Variants in ADCY1 observed in about 807,000 individuals in gnomAD.
ADCY1 encodes adenylate cyclase 1, also known as adenylate cyclase type 1.
A neutral mutation model predicts 105.4 loss-of-function variants in ADCY1; 28 were observed. That is an observed-to-expected ratio of 0.27 (90% CI 0.20 to 0.36). ADCY1 has a LOEUF of 0.36. Among genes scored for constraint, ADCY1 ranks in the 10% least tolerant of loss-of-function variants. The pLI, the probability that ADCY1 is intolerant of heterozygous loss-of-function variation, is 1.00. For synonymous variants in ADCY1, 655 were observed against 623.8 expected, an observed-to-expected ratio of 1.05 and a Z score of -0.75; for missense variants, 977 against 1,434.2, an observed-to-expected ratio of 0.68 and a Z score of 5.15.
rs572435037 is a variant in ADCY1 at position 45,682,530 on chromosome 7, A to G, written c.1984-2449A>G. Reference sequence around the variant, plus strand: ...GGCACATTCAGAGGCCCTTGGCTGGACCCTGGGGATGTGGGCACAATGTGG... The same window carrying G: ...GGCACATTCAGAGGCCCTTGGCTGGGCCCTGGGGATGTGGGCACAATGTGG... On this transcript the variant is annotated intron_variant, in intron 11 of 19. Coordinates refer to ENST00000297323, the MANE Select transcript of ADCY1 (RefSeq NM_021116.4). Among the ~76,000 whole-genome samples the G allele has an allele frequency of 2.0e-5, 3 of 152,064 alleles. No individual in the cohort carries two copies. The South Asian group carries it at 6.2e-4, about 32-fold the overall frequency.
rs748865724 is a variant in ADCY1 at position 45,717,866 on chromosome 7, T to A, written c.*3871T>A. The stretch of plus-strand genomic sequence containing the variant: ...GCCACCAGGGCTTCTGGAACACCTG[T>A]CATAGAAGCAATAACTCTAACTCTA... On this transcript the variant is annotated 3_prime_UTR_variant, in exon 20 of 20. Transcript: ENST00000297323. 6.6e-6 allele frequency: 1 copy of A among 152,620 alleles called. No homozygotes were observed. The highest frequency in any genetic ancestry group is 1.5e-5 in the Non-Finnish European group (1 of 68,054). 9.5% of individuals were successfully genotyped at this position (152,620 alleles called of 1,614,324 possible).
At chr7:45,615,350 CACTT>C (rs755812833) in intron 3 of ADCY1, among the ~76,000 whole-genome samples, 1 of 152,156 alleles carries the variant, frequency 6.6e-6, no homozygotes, top group Non-Finnish European at 1.5e-5. Context: ...GTAAGCCCAG[CACTT>C]TGGGAGGCCG....
Position 45,686,725 on chromosome 7 carries a change from A to G in ADCY1, c.2454+52A>G. 1 of 1,559,038 alleles carries G rather than the reference A, an allele frequency of 6.4e-7. No individual in the cohort carries two copies. Among genetic ancestry groups the G allele is most frequent in the Non-Finnish European group, 8.7e-7 (1 of 1,149,466 alleles). ...GGGGTGGGGGATTTAGAGGAGGAAG[A>G]AGTCTTCAGCAAGCATCTGACGGGG... On this transcript the variant is annotated intron_variant, in intron 14 of 19. Coordinates refer to ENST00000297323, the MANE Select transcript of ADCY1 (RefSeq NM_021116.4). The surrounding 1 kb of genome is among the most constrained non-coding windows in gnomAD (Gnocchi z 4.3).
intron 4 of ADCY1, among the ~76,000 whole-genome samples, chr7:45,630,994 T>C (rs1463885457): frequency 6.6e-6 from 1 of 152,182 alleles, no homozygotes; most frequent in Non-Finnish European, 1.5e-5. Context: ...AGACTAAATA[T>C]GACTATTTTG....
chr7:45,646,168 G>A (rs1794659510), intron 4 of ADCY1, among the ~76,000 whole-genome samples: 1 of 152,154 alleles, frequency 6.6e-6, no homozygotes, highest in South Asian at 2.1e-4. Flanking sequence ...ATGGGGACAG[G>A]GTAGTGTCCC....
intron 1 of ADCY1, among the ~76,000 whole-genome samples, chr7:45,585,098 T>C (rs2115737123): frequency 6.6e-6 from 1 of 152,378 alleles, no homozygotes; most frequent in East Asian, 1.9e-4. Flanking sequence ...TGAGTGCCTT[T>C]GCCTTCATTC....
At chr7:45,590,045 C>T (rs1792862389) in intron 1 of ADCY1, among the ~76,000 whole-genome samples, 1 of 152,108 alleles carries the variant, frequency 6.6e-6, no homozygotes. Flanking sequence ...AGAAAGGGTT[C>T]CTTGGGCCCT....
At chr7:45,627,739 A>T (rs1416858169) in intron 4 of ADCY1, among the ~76,000 whole-genome samples, 1 of 152,196 alleles carries the variant, frequency 6.6e-6, no homozygotes, top group Non-Finnish European at 1.5e-5. Context: ...TACCTGGGAC[A>T]GCTGGCTTTG....
intron 4 of ADCY1, among the ~76,000 whole-genome samples, chr7:45,631,693 G>T (rs748773039): frequency 1.3e-5 from 2 of 152,160 alleles, no homozygotes; most frequent in East Asian, 3.8e-4. Context: ...ATTTTTGTGC[G>T]CATGTGAATT....
chr7:45,721,637 T>C lies in ADCY1; in HGVS notation c.*7642T>C. The C allele has an allele frequency of 5.0e-6, 2 of 398,620 alleles. No individual in the cohort carries two copies. The highest frequency in any genetic ancestry group is 8.8e-6 in the Non-Finnish European group (2 of 226,058). The allele number at this position is 398,620 out of a possible 1,614,324, so 24.7% of individuals were successfully genotyped here. A position where few individuals can be genotyped will look rare whatever the true frequency, so the allele number is the denominator to read the frequency against. On this transcript the variant is annotated 3_prime_UTR_variant, in exon 20 of 20. Coordinates refer to ENST00000297323, the MANE Select transcript of ADCY1 (RefSeq NM_021116.4). ...TTCATCTTCCTCTGCTGTAGAGCCATTTAATGTTATTGTCATATGCTGCTG... is the reference window on the plus strand; with the variant it reads ...TTCATCTTCCTCTGCTGTAGAGCCACTTAATGTTATTGTCATATGCTGCTG...
At chr7:45,669,134 T>C (rs1487588980) in intron 8 of ADCY1, among the ~76,000 whole-genome samples, 1 of 152,230 alleles carries the variant, frequency 6.6e-6, no homozygotes, top group Non-Finnish European at 1.5e-5. Flanking sequence ...TCTCTTTCAG[T>C]TCTGCTCTGA....
At chr7:45,704,131 C>A (rs1785058647) in intron 16 of ADCY1, among the ~76,000 whole-genome samples, 2 of 152,150 alleles carry the variant, frequency 1.3e-5, no homozygotes, top group African/African-American at 2.4e-5. Flanking sequence ...GATGGGCAGG[C>A]AGGTGGGCAC....
intron 3 of ADCY1, among the ~76,000 whole-genome samples, chr7:45,622,066 G>A (rs897239193): frequency 6.6e-6 from 1 of 152,164 alleles, no homozygotes; most frequent in Non-Finnish European, 1.5e-5. Flanking sequence ...GTACGTAGAG[G>A]CTTTGATGCA....
chr7:45,598,829 C>T (rs554169789), intron 2 of ADCY1, among the ~76,000 whole-genome samples: 8 of 152,320 alleles, frequency 5.3e-5, no homozygotes, highest in African/African-American at 1.4e-4. Context: ...GAGCCTAGGT[C>T]GAGCTGGCTG....
At chr7:45,641,252 C>T (rs1383514211) in intron 4 of ADCY1, among the ~76,000 whole-genome samples, 2 of 152,150 alleles carry the variant, frequency 1.3e-5, no homozygotes, top group Non-Finnish European at 2.9e-5. Flanking sequence ...AAGGACTGCA[C>T]CCACGTCATC....
Position 45,710,156 on chromosome 7 carries a change from A to G in ADCY1, c.2933-372A>G, listed in dbSNP as rs1304225879. Among the ~76,000 whole-genome samples, 1 of 152,172 alleles carries G rather than the reference A, an allele frequency of 6.6e-6. No individual in the cohort carries two copies. Among genetic ancestry groups the G allele is most frequent in the Non-Finnish European group, 1.5e-5 (1 of 68,040 alleles). On this transcript the variant is annotated intron_variant, in intron 18 of 19. Transcript: ENST00000297323. This position sits in a 1 kb window ranked among gnomAD's most constrained non-coding sequence, Gnocchi z 4.7. Reference sequence around the variant, plus strand: ...GCACTTGGAGACATACCCTGTAATCACAGATATTGAAAGGCCACACTTCTG... The same window carrying G: ...GCACTTGGAGACATACCCTGTAATCGCAGATATTGAAAGGCCACACTTCTG...
chr7:45,659,561 C>A (rs757684313), intron 6 of ADCY1, among the ~76,000 whole-genome samples: 2 of 152,188 alleles, frequency 1.3e-5, no homozygotes, highest in Non-Finnish European at 2.9e-5. Context: ...TCTTACCACC[C>A]TGCTTCCCAC....
In ADCY1 at chr7:45,720,356, CA is replaced by C. The variant is rs56370903; in HGVS notation, c.*6371del. 5.5e-3 allele frequency: 821 copies of C among 148,090 alleles called. 4 individuals are homozygous for C. The highest frequency in any genetic ancestry group is 0.018 in the African/African-American group (747 of 40,484). The allele number at this position is 148,090 out of a possible 1,614,324, so 9.2% of individuals were successfully genotyped here. On this transcript the variant is annotated 3_prime_UTR_variant, in exon 20 of 20. Transcript: ENST00000297323. ...TGAAACCCCGTCTCTACTAAAAATACAAAAAAAAAATTAGCTGGGCGTGTTG... is the reference window on the plus strand; with the variant it reads ...TGAAACCCCGTCTCTACTAAAAATACAAAAAAAAATTAGCTGGGCGTGTTG...
chr7:45,583,689 G>A (rs947839388), intron 1 of ADCY1, among the ~76,000 whole-genome samples: 34 of 152,082 alleles, frequency 2.2e-4, no homozygotes, highest in Admixed American at 1.6e-3. Flanking sequence ...TGCCCAGGCC[G>A]GAGTGCAGTG....
Sources: gnomAD v4.1 joint callset for allele counts (sites outside exome capture counted in the v4.1 genomes callset) on GRCh38, gnomAD v4.1.1 for gene constraint, Gnocchi (gnomAD v3.1) non-coding constraint, MANE v1.5 for transcripts, NCBI Gene and HGNC (gene_info 2026-07-23, HGNC 2026-07-21) for gene names.